GDPD5: variants seen among roughly 807,000 people sequenced by gnomAD.
The protein encoded by GDPD5 is glycerophosphodiester phosphodiesterase 2.
In GDPD5, 48 loss-of-function variants were observed where a neutral mutation model predicts 75.1. That is an observed-to-expected ratio of 0.64 (90% CI 0.51 to 0.81). GDPD5 has a LOEUF of 0.81. Ranked by LOEUF, GDPD5 falls within the 40% of genes least tolerant of loss-of-function variation. GDPD5 has a pLI of 0.00. For missense variants in GDPD5, 706 were observed against 822.6 expected, an observed-to-expected ratio of 0.86 and a Z score of 1.73; for synonymous variants, 336 against 339.0, an observed-to-expected ratio of 0.99 and a Z score of 0.10.
At chr11:75,514,118 C>T (rs1950590547) in intron 1 of GDPD5, among the ~76,000 whole-genome samples, 1 of 152,204 alleles carries the variant, frequency 6.6e-6, no homozygotes, top group Non-Finnish European at 1.5e-5. Context: ...AGGGGAGCAC[C>T]AGGCTCTGTT....
At chr11:75,455,472 A>C in intron 6 of GDPD5, 1 of 421,400 alleles carries the variant, frequency 2.4e-6, no homozygotes, top group Non-Finnish European at 4.8e-6. Context: ...CCATGTAACA[A>C]ACCGGCCTCG....
chr11:75,502,750 T>C (rs1950321879), intron 1 of GDPD5, among the ~76,000 whole-genome samples: 1 of 152,174 alleles, frequency 6.6e-6, no homozygotes, highest in South Asian at 2.1e-4. Context: ...ACACTCCTAC[T>C]AGAGCCCTGC....
rs148388973 is a variant in GDPD5, at chr11:75,439,960, G to A, written c.1475C>T (p.Pro492Leu). 1 of 1,611,660 alleles carries A rather than the reference G, an allele frequency of 6.2e-7. No individual in the cohort carries two copies. Among genetic ancestry groups the A allele is most frequent in the African/African-American group, 1.3e-5 (1 of 75,010 alleles). The change falls in exon 15 of 17, where the codon CCC becomes CTC. Residue 492 changes from proline (P) to leucine (L), a missense_variant and splice_region_variant. Coordinates refer to ENST00000336898, the MANE Select transcript of GDPD5 (RefSeq NM_030792.8). Reference sequence around the variant, plus strand: ...CCACATGAGACAGTACTCGTCCGGGGGCTGTGGACAGACGGCCCGAGGCCA... The same window carrying A: ...CCACATGAGACAGTACTCGTCCGGGAGCTGTGGACAGACGGCCCGAGGCCA... ...SQVPSPLWIM[P>L]PDEYCLMWVT... is the part of the protein sequence containing the mutation.
intron 1 of GDPD5, among the ~76,000 whole-genome samples, chr11:75,520,773 A>G (rs1753275410): frequency 6.6e-6 from 1 of 152,190 alleles, no homozygotes; most frequent in Admixed American, 6.5e-5. Context: ...ACCACCCCAA[A>G]GGGGGCAAAG....
chr11:75,464,324 G>T (rs371928499), intron 3 of GDPD5, among the ~76,000 whole-genome samples: 1 of 152,248 alleles, frequency 6.6e-6, no homozygotes, highest in East Asian at 1.9e-4. Flanking sequence ...CCATGGGGTT[G>T]ATGGAGAATT....
chr11:75,505,556 A>G (rs1213568341), intron 1 of GDPD5, among the ~76,000 whole-genome samples: 1 of 152,108 alleles, frequency 6.6e-6, no homozygotes, highest in African/African-American at 2.4e-5. Flanking sequence ...CAATTCTCAC[A>G]CTGGGAATAA....
At chr11:75,475,067 C>T (rs963938625) in intron 3 of GDPD5, among the ~76,000 whole-genome samples, 15 of 152,242 alleles carry the variant, frequency 9.9e-5, no homozygotes, top group Non-Finnish European at 1.5e-4. Context: ...ATGACTAGGG[C>T]AATGCATGTA....
At chr11:75,494,604 G>A (rs886297752) in intron 1 of GDPD5, among the ~76,000 whole-genome samples, 1 of 152,178 alleles carries the variant, frequency 6.6e-6, no homozygotes, top group African/African-American at 2.4e-5. Flanking sequence ...CTTGTGTTCT[G>A]TTGATGGCAA....
At chr11:75,494,359 A>T (rs962727265) in intron 1 of GDPD5, among the ~76,000 whole-genome samples, 1 of 151,994 alleles carries the variant, frequency 6.6e-6, no homozygotes, top group Non-Finnish European at 1.5e-5. Flanking sequence ...CTGGGATTAC[A>T]GGCATGTGCC....
intron 11 of GDPD5, 81 bp downstream of exon 11, chr11:75,443,054 AT>A (rs1244067315): frequency 5.3e-6 from 8 of 1,504,120 alleles, no homozygotes; most frequent in Non-Finnish European, 7.2e-6. Flanking sequence ...CTCGAAGCTG[AT>A]GGCCACCCTT....
intron 1 of GDPD5, among the ~76,000 whole-genome samples, chr11:75,496,107 G>A (rs537762204): frequency 6.6e-6 from 1 of 152,212 alleles, no homozygotes; most frequent in African/African-American, 2.4e-5. Context: ...GGGAGCCAGG[G>A]TGCCCCGGGT....
chr11:75,498,997 CCTT>C (rs1184413036), intron 1 of GDPD5, among the ~76,000 whole-genome samples: 13 of 152,154 alleles, frequency 8.5e-5, no homozygotes, highest in Non-Finnish European at 1.2e-4. Flanking sequence ...TGCTTCTCCT[CCTT>C]CTCTTTCTGC....
chr11:75,470,708 A>G (rs1420355590), intron 3 of GDPD5, among the ~76,000 whole-genome samples: 2 of 152,254 alleles, frequency 1.3e-5, no homozygotes, highest in Non-Finnish European at 2.9e-5. Flanking sequence ...ATAGAAAAAA[A>G]TACATCTTAA....
At chr11:75,498,392 C>A (rs1186737421) in intron 1 of GDPD5, among the ~76,000 whole-genome samples, 2 of 152,202 alleles carry the variant, frequency 1.3e-5, no homozygotes, top group Non-Finnish European at 2.9e-5. Flanking sequence ...GGAAGAAAAG[C>A]CAAATTCAAC....
At chr11:75,444,315 A>T in intron 10 of GDPD5, 98 bp downstream of exon 10, 1 of 856,962 alleles carries the variant, frequency 1.2e-6, no homozygotes, top group Non-Finnish European at 2.0e-6. Context: ...CTCCCATCTC[A>T]GAGGCTCTGA....
chr11:75,443,477 C>T (rs964758721), intron 10 of GDPD5, among the ~76,000 whole-genome samples, 191 bp from the exon 11 acceptor site: 1 of 152,182 alleles, frequency 6.6e-6, no homozygotes, highest in Admixed American at 6.5e-5. Context: ...AGGTCCAATG[C>T]CTTCTGGCTC....
chr11:75,466,480 C>A (rs563190584), intron 3 of GDPD5, among the ~76,000 whole-genome samples: 8 of 152,280 alleles, frequency 5.3e-5, no homozygotes, highest in South Asian at 2.1e-4. Flanking sequence ...CAGAGAGAGG[C>A]CTGCCCGCTC....
At chr11:75,489,580 T>A (rs937669776) in intron 2 of GDPD5, among the ~76,000 whole-genome samples, 27 of 152,218 alleles carry the variant, frequency 1.8e-4, no homozygotes, top group Non-Finnish European at 3.5e-4. Context: ...GGAGGAAGCA[T>A]CACTTTCTCT....
intron 1 of GDPD5, among the ~76,000 whole-genome samples, chr11:75,514,053 A>G (rs1248331530): frequency 2.0e-5 from 3 of 152,222 alleles, no homozygotes; most frequent in Non-Finnish European, 2.9e-5. Flanking sequence ...CACTCCAAGG[A>G]GAGACTCAAA....
Sources: gnomAD v4.1 joint callset for allele counts (sites outside exome capture counted in the v4.1 genomes callset) on GRCh38, gnomAD v4.1.1 for gene constraint, MANE v1.5 for transcripts, NCBI Gene and HGNC (gene_info 2026-07-23, HGNC 2026-07-21) for gene names.